LONP1: variants seen among roughly 807,000 people sequenced by gnomAD.
LONP1 encodes the protein lon peptidase 1, mitochondrial, also known as lon protease homolog, mitochondrial.
A neutral mutation model predicts 98.5 loss-of-function variants in LONP1; 31 were observed. That is an observed-to-expected ratio of 0.31 (90% CI 0.24 to 0.42). LONP1 has a LOEUF of 0.42. Ranked by LOEUF, LONP1 falls within the 20% of genes least tolerant of loss-of-function variation. The pLI is 1.00. For missense variants in LONP1, 1,336 were observed against 1,350.6 expected (o/e 0.99, Z 0.17); for synonymous variants, 781 against 594.7 (o/e 1.31, Z -4.56).
In LONP1 at chr19:5,694,773, C is replaced by T; in HGVS notation, c.2142G>A (p.Lys714=). Residue 714 remains lysine, a synonymous_variant, in exon 14 of 18, where the codon AAG becomes AAA. Coordinates refer to ENST00000360614, the MANE Select transcript of LONP1 (RefSeq NM_004793.4). The stretch of plus-strand genomic sequence containing the variant: ...GCTGGCCGCTCACCTTCTCCACTTG[C>T]TTCTGCAGGTTGCGGACACCGCTCT... ...CRESGVRNLQ[K]QVEKVLRKSA... The T allele has an allele frequency of 6.3e-7, 1 of 1,591,012 alleles. No individual in the cohort carries two copies. Among genetic ancestry groups the T allele is most frequent in the South Asian group, 1.1e-5 (1 of 90,588 alleles).
chr19:5,705,457 C>CAAAAAA (rs552452093), intron 8 of LONP1, among the ~76,000 whole-genome samples: 1 of 106,020 alleles, frequency 9.4e-6, no homozygotes, highest in African/African-American at 3.7e-5. Flanking sequence ...GACTCCATTT[C>CAAAAAA]AAAAAAAAAA....
chr19:5,709,768 C>T lies in LONP1; in HGVS notation c.871-1365G>A, dbSNP rs558005223. ...ACTAAAAAATACACAAAAAATTAGCCGGGTGTGGTGGCGGGCACCTGTAGT... is the reference window on the plus strand; with the variant it reads ...ACTAAAAAATACACAAAAAATTAGCTGGGTGTGGTGGCGGGCACCTGTAGT... On this transcript the variant is annotated intron_variant, in intron 4 of 17. Transcript: ENST00000360614. 8.5e-4 allele frequency among the ~76,000 whole-genome samples: 129 copies of T among 151,756 alleles called. 1 individual carries two copies. Among genetic ancestry groups the T allele is most frequent in the African/African-American group, 3.1e-3 (127 of 41,400 alleles).
intron 14 of LONP1, 80 bp downstream of exon 14, chr19:5,694,681 A>ATGG: frequency 6.4e-7 from 1 of 1,567,826 alleles, no homozygotes; most frequent in Non-Finnish European, 8.7e-7. Context: ...AAGTGGGATG[A>ATGG]TGGGCATGGA....
Position 5,695,909 on chromosome 19 carries a change from C to T in LONP1, c.2013+145G>A. The T allele has an allele frequency of 5.9e-6, 4 of 674,134 alleles. No homozygotes were observed. In the Admixed American group the frequency reaches 8.3e-5, roughly 14 times the overall value. 41.8% of individuals were successfully genotyped at this position (674,134 alleles called of 1,614,324 possible). ...AGCTGCTCGCAAGCGTCTGGTGTGT[C>T]TCTCACGGCCCCATCTGCTCCTCGG... On this transcript the variant is annotated intron_variant, in intron 13 of 17. Transcript: ENST00000360614.
At chr19:5,716,135 G>A (rs1229552213) in intron 1 of LONP1, among the ~76,000 whole-genome samples, 2 of 151,198 alleles carry the variant, frequency 1.3e-5, no homozygotes, top group Admixed American at 1.3e-4. Context: ...ACTTTGCGGG[G>A]CTGAGGTGGG....
At chr19:5,703,157 G>A (rs1985723) in intron 8 of LONP1, among the ~76,000 whole-genome samples, 29,889 of 148,656 alleles carry the variant, frequency 0.2, 3,241 homozygotes, top group Middle Eastern at 0.32. Context: ...CTCCAGCCTG[G>A]GCAACAGAGT....
chr19:5,717,210 G>A lies in LONP1; in HGVS notation c.429+2494C>T, dbSNP rs531266376. 4.6e-5 allele frequency: 7 copies of A among 152,306 alleles called. No individual in the cohort carries two copies. In the South Asian group the frequency reaches 1.5e-3, roughly 32 times the overall value. The allele number at this position is 152,306 out of a possible 1,614,324, so 9.4% of individuals were successfully genotyped here. On this transcript the variant is annotated intron_variant, in intron 1 of 17. Transcript: ENST00000360614. ...CTCAAAAGTTGCTAATAGGAGAGAAGCTTCTAGAGCAAGTTGGCCAGACAA... is the reference window on the plus strand; with the variant it reads ...CTCAAAAGTTGCTAATAGGAGAGAAACTTCTAGAGCAAGTTGGCCAGACAA...
chr19:5,692,302 C>T (rs1041869297), intron 17 of LONP1, 94 bp from the exon 18 acceptor site: 18 of 1,229,654 alleles, frequency 1.5e-5, no homozygotes, highest in Middle Eastern at 4.2e-4. Context: ...TGGGGACCGG[C>T]GATACACAGT....
chr19:5,694,748 G>GCTGGC lies in LONP1; in HGVS notation c.2154+8_2154+12dup, dbSNP rs1223047739. Reference sequence around the variant, plus strand: ...TGGGCGGCAGGTGCCAGGAGGGCGGGCTGGCCGCTCACCTTCTCCACTTGC... The same window carrying GCTGGC: ...TGGGCGGCAGGTGCCAGGAGGGCGGGCTGGCCTGGCCGCTCACCTTCTCCACTTGC... On this transcript the variant is annotated intron_variant, in intron 14 of 17. Transcript: ENST00000360614. 12 of 1,583,844 alleles carry GCTGGC rather than the reference G, an allele frequency of 7.6e-6. No individual in the cohort carries two copies. Among genetic ancestry groups the GCTGGC allele is most frequent in the Non-Finnish European group, 9.5e-6 (11 of 1,156,846 alleles).
At chr19:5,717,515 G>A (rs887726719) in intron 1 of LONP1, 6 of 152,290 alleles carry the variant, frequency 3.9e-5, no homozygotes, top group African/African-American at 9.6e-5. Context: ...AACTCTCTTA[G>A]AAGAATCATC....
At chr19:5,708,660 T>C in intron 4 of LONP1, 1 of 437,062 alleles carries the variant, frequency 2.3e-6, no homozygotes, top group Non-Finnish European at 4.2e-6. Flanking sequence ...GCCTTGTCCT[T>C]AGGATAAGCT....
chr19:5,704,997 C>G (rs1338251752), intron 8 of LONP1, among the ~76,000 whole-genome samples: 3 of 152,022 alleles, frequency 2.0e-5, no homozygotes, highest in African/African-American at 7.3e-5. Context: ...CCCATCTCTA[C>G]TAAAAATACT....
At chr19:5,694,631 GGT>G (rs1222386940) in intron 14 of LONP1, 79 bp from the exon 15 acceptor site, 3 of 1,571,722 alleles carry the variant, frequency 1.9e-6, no homozygotes, top group East Asian at 4.5e-5. Context: ...GGCACAGAAA[GGT>G]GTGACGGGCG....
intron 7 of LONP1, 46 bp from the exon 8 acceptor site, chr19:5,706,038 G>A (rs761100842): frequency 7.3e-7 from 1 of 1,378,410 alleles, no homozygotes; most frequent in Non-Finnish European, 1.0e-6. Flanking sequence ...CGGGAAGCTG[G>A]GTGGGTGGGT....
At chr19:5,697,557 G>A (rs1021641057) in intron 10 of LONP1, among the ~76,000 whole-genome samples, 6 of 129,044 alleles carry the variant, frequency 4.6e-5, no homozygotes, top group African/African-American at 1.8e-4. Flanking sequence ...GATGGAGAGG[G>A]AAGGGGGTAG....
rs780360153 is a variant in LONP1 at position 5,714,208 on chromosome 19, C to T, written c.493G>A (p.Gly165Ser). 17 of 1,613,400 alleles carry T rather than the reference C, an allele frequency of 1.1e-5. No individual in the cohort carries two copies. Among genetic ancestry groups the T allele is most frequent in the South Asian group, 3.3e-5 (3 of 90,958 alleles). ...RKVRLAQPYV[G>S]VFLKRDDSNE... ...CTGTCATCTCTCTTTAGAAAGACGC[C>T]GACATAAGGCTGGGCGAGACGAACT... Residue 165 changes from glycine to serine, a missense_variant, in exon 2 of 18, where the codon GGC (glycine) becomes AGC (serine). By Grantham distance (56) the Gly-to-Ser change is moderately conservative. Around this residue, in one of 5 missense-constraint regions of LONP1, gnomAD observed 457 missense variants for 403.1 expected, o/e 1.13. Transcript: ENST00000360614.
intron 8 of LONP1, among the ~76,000 whole-genome samples, chr19:5,704,749 C>T (rs1254776832): frequency 6.6e-6 from 1 of 152,216 alleles, no homozygotes; most frequent in Non-Finnish European, 1.5e-5. Flanking sequence ...CAGTGGCCCC[C>T]GGGCAAGGCC....
intron 1 of LONP1, among the ~76,000 whole-genome samples, chr19:5,716,263 T>C (rs1335522143): frequency 7.1e-4 from 19 of 26,940 alleles, no homozygotes; most frequent in South Asian, 3.9e-3. Context: ...AATATACATA[T>C]ATATATATAT....
chr19:5,692,110 G>A lies in LONP1; in HGVS notation c.2802C>T (p.His934=), dbSNP rs2054834853. ...AAFITEGLEV[H]FVEHYREIFD... ...AGATCTCCCGGTAGTGTTCCACGAA[G>A]TGCACCTCCAGGCCCTCGGTGATGA... The change falls in exon 18 of 18, where the codon CAC becomes CAT. Residue 934 remains histidine (H), a synonymous_variant. Coordinates refer to ENST00000360614, the MANE Select transcript of LONP1 (RefSeq NM_004793.4). 1.2e-6 allele frequency: 2 copies of A among 1,604,890 alleles called. No individual in the cohort carries two copies. The highest frequency in any genetic ancestry group is 1.1e-5 in the South Asian group (1 of 90,468).
Sources: allele counts gnomAD v4.1 joint callset (sites outside exome capture counted in the v4.1 genomes callset), GRCh38; gene constraint gnomAD v4.1.1; regional missense constraint gnomAD v4.1.1; transcripts MANE v1.5; gene names NCBI Gene and HGNC (gene_info 2026-07-23, HGNC 2026-07-21).